The following KLF12 variants were observed in gnomAD, a reference collection of about 807,000 sequenced individuals.
The protein encoded by KLF12 is KLF transcription factor 12.
In KLF12, 9 loss-of-function variants were observed where a neutral mutation model predicts 37.8. That is an observed-to-expected ratio of 0.24 (90% CI 0.14 to 0.42). The LOEUF (loss-of-function observed/expected upper bound fraction) is 0.42. Among genes scored for constraint, KLF12 ranks in the 10% least tolerant of loss-of-function variants. The probability of loss-of-function intolerance (pLI) is 1.00; values close to 1 mark genes in which losing one functional copy is unlikely to be tolerated. For missense variants in KLF12, 411 were observed against 516.0 expected, an observed-to-expected ratio of 0.80 and a Z score of 1.97; for synonymous variants, 208 against 202.1, an observed-to-expected ratio of 1.03 and a Z score of -0.25.
chr13:74,167,556 G>C, the KLF12 span, among the ~76,000 whole-genome samples: 2 of 152,212 alleles, frequency 1.3e-5, no homozygotes, highest in African/African-American at 4.8e-5. Context: ...CGTTAGCAAA[G>C]ATCTGGTGAG....
At chr13:74,295,811 A>G in the KLF12 span, among the ~76,000 whole-genome samples, 11 of 151,950 alleles carry the variant, frequency 7.2e-5, no homozygotes, top group Non-Finnish European at 1.6e-4. Context: ...TCTTTTTAAA[A>G]TTTATTTACT....
intron 3 of KLF12, among the ~76,000 whole-genome samples, chr13:73,857,984 G>A (rs1388484197): frequency 2.6e-5 from 4 of 152,090 alleles, no homozygotes; most frequent in African/African-American, 7.2e-5. Context: ...TCCCCCCAAA[G>A]CATTCTCATT....
At chr13:74,294,881 A>G in the KLF12 span, among the ~76,000 whole-genome samples, 29,106 of 151,978 alleles carry the variant, frequency 0.19, 3,115 homozygotes, top group South Asian at 0.33. Context: ...ACCTCCCTCC[A>G]ATCCATCATC....
At chr13:74,040,472 T>C (rs769710038) in intron 1 of KLF12, among the ~76,000 whole-genome samples, 23 of 152,162 alleles carry the variant, frequency 1.5e-4, no homozygotes, top group Non-Finnish European at 2.5e-4. Context: ...CCAGAAGACC[T>C]GGGGAGCCTC....
intron 6 of KLF12, among the ~76,000 whole-genome samples, chr13:73,744,016 T>C (rs1476448689): frequency 6.6e-6 from 1 of 152,216 alleles, no homozygotes; most frequent in African/African-American, 2.4e-5. Context: ...CTCCTATTTA[T>C]TTGGAAACTC....
the KLF12 span, among the ~76,000 whole-genome samples, chr13:74,191,725 G>C: frequency 6.6e-6 from 1 of 152,242 alleles, no homozygotes; most frequent in East Asian, 1.9e-4. Context: ...TCATTCCTTA[G>C]CACCCTTGAA....
At chr13:74,059,556 T>C (rs1873453745) in intron 1 of KLF12, among the ~76,000 whole-genome samples, 1 of 152,264 alleles carries the variant, frequency 6.6e-6, no homozygotes, top group African/African-American at 2.4e-5. Context: ...TGAGCATTTC[T>C]TCATGTTTGT....
chr13:73,818,770 C>T (rs1203250923), intron 4 of KLF12, among the ~76,000 whole-genome samples: 1 of 152,222 alleles, frequency 6.6e-6, no homozygotes, highest in South Asian at 2.1e-4. Context: ...GAGGAGAGGG[C>T]CATACACAGA....
chr13:73,917,110 G>C (rs576542781), intron 3 of KLF12, among the ~76,000 whole-genome samples: 1 of 152,146 alleles, frequency 6.6e-6, no homozygotes, highest in South Asian at 2.1e-4. Context: ...CACTATCCAA[G>C]GTTCAGCATG....
At chr13:73,713,904 A>G (rs1875597918) in intron 7 of KLF12, among the ~76,000 whole-genome samples, 1 of 152,180 alleles carries the variant, frequency 6.6e-6, no homozygotes, top group Non-Finnish European at 1.5e-5. Context: ...TCATTGTAGA[A>G]AGTCATTTTT....
chr13:73,803,772 T>TCA (rs4053528), intron 5 of KLF12, among the ~76,000 whole-genome samples: 9,802 of 141,816 alleles, frequency 0.069, 360 homozygotes, highest in Admixed American at 0.13. Context: ...TACTGCAGAG[T>TCA]CACACACACA....
At chr13:74,064,533 C>T (rs1873796287) in intron 1 of KLF12, among the ~76,000 whole-genome samples, 1 of 152,088 alleles carries the variant, frequency 6.6e-6, no homozygotes, top group African/African-American at 2.4e-5. Flanking sequence ...GCATTGGAGT[C>T]CAGAATTATA....
chr13:73,826,129 C>T (rs527640570), intron 4 of KLF12, among the ~76,000 whole-genome samples: 9 of 152,194 alleles, frequency 5.9e-5, no homozygotes, highest in Non-Finnish European at 1.0e-4. Flanking sequence ...CCCGCCACCA[C>T]GCCTGGCTAA....
At chr13:74,174,081 G>T in the KLF12 span, among the ~76,000 whole-genome samples, 1 of 152,026 alleles carries the variant, frequency 6.6e-6, no homozygotes, top group South Asian at 2.1e-4. Flanking sequence ...ACATGATGCC[G>T]GTCCTCCTAG....
At chr13:73,912,758 A>AACT (rs1195054690) in intron 3 of KLF12, among the ~76,000 whole-genome samples, 2 of 152,314 alleles carry the variant, frequency 1.3e-5, no homozygotes, top group East Asian at 3.9e-4. Flanking sequence ...GCTTATACAT[A>AACT]GGCTAACTCA....
chr13:74,304,184 G>A, the KLF12 span, among the ~76,000 whole-genome samples: 2 of 152,194 alleles, frequency 1.3e-5, no homozygotes, highest in South Asian at 4.1e-4. Context: ...CTTGACCAAG[G>A]GCCCACATCC....
chr13:74,280,912 A>T, the KLF12 span, among the ~76,000 whole-genome samples: 186 of 144,122 alleles, frequency 1.3e-3, no homozygotes, highest in Non-Finnish European at 2.3e-3. Flanking sequence ...TACTAACCTT[A>T]TCTGGAACCA....
intron 3 of KLF12, among the ~76,000 whole-genome samples, chr13:73,881,800 C>T (rs1346679345): frequency 3.3e-5 from 5 of 152,128 alleles, no homozygotes; most frequent in Non-Finnish European, 7.4e-5. Flanking sequence ...GATAACTTTA[C>T]ACATCTAATC....
At chr13:74,228,063 TA>T in the KLF12 span, among the ~76,000 whole-genome samples, 1 of 152,136 alleles carries the variant, frequency 6.6e-6, no homozygotes, top group South Asian at 2.1e-4. Flanking sequence ...TGTGGAAATA[TA>T]AGATGTTATT....
Sources: allele counts gnomAD v4.1 joint callset (sites outside exome capture counted in the v4.1 genomes callset), GRCh38; gene constraint gnomAD v4.1.1; transcripts MANE v1.5; gene names NCBI Gene and HGNC (gene_info 2026-07-23, HGNC 2026-07-21).